The following EDAR variants were observed in gnomAD, a reference collection of about 807,000 sequenced individuals.
EDAR encodes tumor necrosis factor receptor superfamily member EDAR.
In EDAR, 38 loss-of-function variants were observed where a neutral mutation model predicts 51.3. The observed-to-expected ratio is 0.74, with a 90% CI of 0.57 to 0.97. The LOEUF is 0.97. Ranked by LOEUF, EDAR falls within the 50% of genes least tolerant of loss-of-function variation. The pLI, the probability that EDAR is intolerant of heterozygous loss-of-function variation, is 0.00. For missense variants in EDAR, 528 were observed against 595.0 expected (o/e 0.89, Z 1.17); for synonymous variants, 227 against 242.1 (o/e 0.94, Z 0.58).
chr2:108,907,578 G>T (rs933384780), intron 10 of EDAR, among the ~76,000 whole-genome samples: 16 of 152,080 alleles, frequency 1.1e-4, no homozygotes, highest in African/African-American at 3.4e-4. Context: ...AACCCAGGAG[G>T]CGGAGGTTGT....
At chr2:108,980,936 T>C (rs978716584) in intron 1 of EDAR, among the ~76,000 whole-genome samples, 1 of 151,556 alleles carries the variant, frequency 6.6e-6, no homozygotes, top group Admixed American at 6.6e-5. Flanking sequence ...GCCAAATTGA[T>C]AGACTGCTCC....
chr2:108,911,087 A>T lies in EDAR; in HGVS notation c.530-15T>A. 1 of 1,613,966 alleles carries T rather than the reference A, an allele frequency of 6.2e-7. No individual in the cohort carries two copies. Among genetic ancestry groups the T allele is most frequent in the Non-Finnish European group, 8.5e-7 (1 of 1,179,992 alleles). The stretch of plus-strand genomic sequence containing the variant: ...GCCTGAGAGTTCTGTGGGTGGAGAG[A>T]AGGCATGAATGACCCAGAGCTCAGG... On this transcript the variant is annotated splice_polypyrimidine_tract_variant and intron_variant, in intron 6 of 11. Coordinates refer to ENST00000258443, the MANE Select transcript of EDAR (RefSeq NM_022336.4).
In EDAR at chr2:108,988,976, G is replaced by A. The variant is rs1698545116; in HGVS notation, c.-35C>T. ...AGGGCTTACCTGGCTTCTGTTGGAGGTCAGCTTCAGTCCCAGCAGAAGATG... is the reference window on the plus strand; with the variant it reads ...AGGGCTTACCTGGCTTCTGTTGGAGATCAGCTTCAGTCCCAGCAGAAGATG... On this transcript the variant is annotated 5_prime_UTR_variant, in exon 1 of 12. Transcript: ENST00000258443. The A allele has an allele frequency of 6.6e-6, 1 of 152,246 alleles. No individual in the cohort carries two copies. The highest frequency in any genetic ancestry group is 2.1e-4 in the South Asian group (1 of 4,828). The allele number at this position is 152,246 out of a possible 1,614,324, so 9.4% of individuals were successfully genotyped here. A position where few individuals can be genotyped will look rare whatever the true frequency, so the allele number is the denominator to read the frequency against.
chr2:108,936,480 G>T (rs1441506450), intron 1 of EDAR, among the ~76,000 whole-genome samples: 1 of 9,110 alleles, frequency 1.1e-4, no homozygotes, highest in Non-Finnish European at 1.9e-3. Flanking sequence ...AGCTGGCTGC[G>T]GGCTCCCTGC....
intron 5 of EDAR, among the ~76,000 whole-genome samples, chr2:108,921,093 C>T (rs1394721400): frequency 1.3e-5 from 2 of 152,214 alleles, no homozygotes. Context: ...TGCTCCCCTG[C>T]GAATCACCCC....
chr2:108,907,974 G>A lies in EDAR; in HGVS notation c.849C>T (p.Ser283=), dbSNP rs145796324. ...SSENEQLLSR[S]VDSDEEPAPD... ...GGGCGGGCTCCTCATCACTGTCGAC[G>A]CTCCGGCTCAGCAGCTGCTCATTCT... is the stretch of plus-strand genomic sequence containing the variant. Residue 283 remains serine (S), a synonymous_variant, in exon 10 of 12, where the codon AGC becomes AGT. Transcript: ENST00000258443. 2.0e-4 allele frequency: 323 copies of A among 1,612,446 alleles called. 1 individual carries two copies. In the African/African-American group the frequency reaches 3.3e-3, roughly 17 times the overall value.
At chr2:108,930,358 G>T in intron 2 of EDAR, 116 bp from the exon 3 acceptor site, 1 of 1,180,524 alleles carries the variant, frequency 8.5e-7, no homozygotes, top group Non-Finnish European at 1.2e-6. Flanking sequence ...GCTCTGCTGG[G>T]GGCTCGGTCT....
chr2:108,979,954 G>C (rs1698392580), intron 1 of EDAR, among the ~76,000 whole-genome samples: 1 of 151,576 alleles, frequency 6.6e-6, no homozygotes, highest in Non-Finnish European at 1.5e-5. Context: ...CTGAGATGAG[G>C]TGTGCAAGTG....
intron 1 of EDAR, among the ~76,000 whole-genome samples, chr2:108,977,707 G>A (rs1698349240): frequency 6.6e-6 from 1 of 152,172 alleles, no homozygotes; most frequent in Non-Finnish European, 1.5e-5. Flanking sequence ...TGCTGACAAA[G>A]CCCTGGAGAT....
intron 1 of EDAR, among the ~76,000 whole-genome samples, chr2:108,983,812 G>C (rs1456752063): frequency 6.6e-6 from 1 of 152,186 alleles, no homozygotes; most frequent in Non-Finnish European, 1.5e-5. Context: ...GGGCATCAGT[G>C]ATCTCTGAAC....
chr2:108,932,500 G>T lies in EDAR; in HGVS notation c.-18-1468C>A, dbSNP rs576581213. ...GCCGAGATTGTGCCACTGCACTCCAGCCTGGGCGACAGAGTGAGACTCTGT... is the reference window on the plus strand; with the variant it reads ...GCCGAGATTGTGCCACTGCACTCCATCCTGGGCGACAGAGTGAGACTCTGT... On this transcript the variant is annotated intron_variant, in intron 1 of 11. Coordinates refer to ENST00000258443, the MANE Select transcript of EDAR (RefSeq NM_022336.4). 2.2e-5 allele frequency among the ~76,000 whole-genome samples: 3 copies of T among 137,438 alleles called. No homozygotes were observed. In the South Asian group the frequency reaches 7.1e-4, roughly 32 times the overall value. 90.2% of individuals were successfully genotyped at this position (137,438 alleles called of 152,430 possible).
intron 11 of EDAR, among the ~76,000 whole-genome samples, chr2:108,900,723 T>G (rs571798218): frequency 9.6e-4 from 146 of 152,234 alleles, no homozygotes; most frequent in African/African-American, 3.3e-3. Context: ...GAAAAATACA[T>G]ATCATGCAAA....
At position 108,930,099 on chromosome 2, in the gene EDAR, C is replaced by A. The variant is rs201959695; in HGVS notation, c.174+21G>T. On this transcript the variant is annotated intron_variant, in intron 3 of 11. Coordinates refer to ENST00000258443, the MANE Select transcript of EDAR (RefSeq NM_022336.4). ...GCCTCCCCTGAGAGCGCACCAGGCTCCAGGAGGGCTGGGTCCTTACCAGGT... is the reference window on the plus strand; with the variant it reads ...GCCTCCCCTGAGAGCGCACCAGGCTACAGGAGGGCTGGGTCCTTACCAGGT... 1.1e-3 allele frequency: 1,725 copies of A among 1,609,638 alleles called. 16 individuals are homozygous for A. In the Middle Eastern group the frequency reaches 0.016, roughly 15 times the overall value.
rs1004052299 is a variant in EDAR, at chr2:108,895,028, C to T, written c.*1879G>A. 14 of 152,778 alleles carry T rather than the reference C, an allele frequency of 9.2e-5. No individual in the cohort carries two copies. The highest frequency in any genetic ancestry group is 7.2e-4 in the Admixed American group (11 of 15,292). The allele number at this position is 152,778 out of a possible 1,614,324, so 9.5% of individuals were successfully genotyped here. A position where few individuals can be genotyped will look rare whatever the true frequency, so the allele number is the denominator to read the frequency against. ...TAAGGGGAGACTCACTCATCATCAT[C>T]ACAAGGCAGGGGGAAGGGGGCACCA... On this transcript the variant is annotated 3_prime_UTR_variant, in exon 12 of 12. Coordinates refer to ENST00000258443, the MANE Select transcript of EDAR (RefSeq NM_022336.4).
At chr2:108,941,857 C>T (rs554422568) in intron 1 of EDAR, among the ~76,000 whole-genome samples, 77 of 152,350 alleles carry the variant, frequency 5.1e-4, no homozygotes, top group African/African-American at 1.6e-3. Context: ...TTCCCAGCCT[C>T]AGTGAACGTG....
chr2:108,910,946 C>G lies in EDAR; in HGVS notation c.655+1G>C, dbSNP rs760595921. ...GGGCACCGGCGCATGGGGGCCGTCA[C>G]CTGGGGCAGAGGGCTTTGTCTTCAG... On this transcript the variant is annotated splice_donor_variant, in intron 7 of 11. Coordinates refer to ENST00000258443, the MANE Select transcript of EDAR (RefSeq NM_022336.4). LOFTEE classifies it high-confidence loss of function. 1 of 1,614,118 alleles carries G rather than the reference C, an allele frequency of 6.2e-7. No homozygotes were observed. The highest frequency in any genetic ancestry group is 8.5e-7 in the Non-Finnish European group (1 of 1,180,002).
intron 1 of EDAR, among the ~76,000 whole-genome samples, chr2:108,959,796 T>C (rs911719699): frequency 5.3e-5 from 8 of 152,216 alleles, no homozygotes; most frequent in African/African-American, 1.9e-4. Context: ...GAGAAAGATA[T>C]GTCTTCTGAG....
intron 5 of EDAR, among the ~76,000 whole-genome samples, chr2:108,916,268 G>C (rs771265824): frequency 7.9e-5 from 12 of 152,360 alleles, no homozygotes; most frequent in South Asian, 2.1e-4. Flanking sequence ...GCCGTGGGCT[G>C]TCTGTGAATG....
chr2:108,920,461 C>T (rs1052893959), intron 5 of EDAR, among the ~76,000 whole-genome samples: 9 of 152,196 alleles, frequency 5.9e-5, no homozygotes, highest in Non-Finnish European at 8.8e-5. Context: ...AACCAGAAAG[C>T]TCTGGTCACC....
Sources: allele counts gnomAD v4.1 joint callset (sites outside exome capture counted in the v4.1 genomes callset), GRCh38; gene constraint gnomAD v4.1.1; transcripts MANE v1.5; gene names NCBI Gene and HGNC (gene_info 2026-07-23, HGNC 2026-07-21).